The following ZNF566 variants were observed in gnomAD, a reference collection of about 807,000 sequenced individuals.
ZNF566 encodes zinc finger protein 566.
A neutral mutation model predicts 32.8 loss-of-function variants in ZNF566; 27 were observed. The ratio of observed to expected loss-of-function variants is 0.82; its 90% confidence interval spans 0.61 to 1.14. The LOEUF is 1.14. ZNF566 is among the 50% of genes most tolerant of loss of function. The pLI is 0.00. For synonymous variants in ZNF566, 154 were observed against 159.5 expected (o/e 0.97, Z 0.26); for missense variants, 402 against 490.4 (o/e 0.82, Z 1.70).
rs1028845341 is a variant in ZNF566 at position 36,465,277 on chromosome 19, C to T, written c.232+7634G>A. Among the ~76,000 whole-genome samples the T allele has an allele frequency of 5.3e-5, 8 of 152,220 alleles. No homozygotes were observed. The South Asian group carries it at 6.2e-4, about 12-fold the overall frequency. On this transcript the variant is annotated intron_variant, in intron 4 of 4. Transcript: ENST00000452939. ...GATGGTGGAACAAAAGTACTTCCAACGTAAACTAATACAACACTTGGAAAA... is the reference window on the plus strand; with the variant it reads ...GATGGTGGAACAAAAGTACTTCCAATGTAAACTAATACAACACTTGGAAAA...
intron 2 of ZNF566, 164 bp downstream of exon 2, chr19:36,476,385 G>T: frequency 2.0e-6 from 1 of 496,498 alleles, no homozygotes. Flanking sequence ...TGGCCTGTTA[G>T]AGATCCTTTC....
At chr19:36,467,646 C>T (rs1280810109) in intron 4 of ZNF566, among the ~76,000 whole-genome samples, 1 of 149,412 alleles carries the variant, frequency 6.7e-6, no homozygotes, top group Non-Finnish European at 1.5e-5. Context: ...TAAAAATTAG[C>T]TGGGCTTGGT....
chr19:36,467,005 C>T (rs113969922), intron 4 of ZNF566, among the ~76,000 whole-genome samples: 5 of 150,144 alleles, frequency 3.3e-5, no homozygotes, highest in Admixed American at 2.7e-4. Context: ...GGAGGTGGAG[C>T]TTGCAGTGAG....
At chr19:36,458,770 G>A (rs2145652991) in intron 4 of ZNF566, among the ~76,000 whole-genome samples, 1 of 152,324 alleles carries the variant, frequency 6.6e-6, no homozygotes, top group South Asian at 2.1e-4. Context: ...TGATGTGATA[G>A]ATACATTAAT....
intron 4 of ZNF566, among the ~76,000 whole-genome samples, chr19:36,467,210 C>T (rs10411104): frequency 0.097 from 14,226 of 147,350 alleles, 839 homozygotes; most frequent in African/African-American, 0.15. Context: ...CCGAGACAGG[C>T]GGATCACGAG....
In ZNF566 at chr19:36,447,774, T is replaced by G. The variant is rs2033033283; in HGVS notation, c.*1203A>C. 1.3e-5 allele frequency: 2 copies of G among 152,186 alleles called. No individual in the cohort carries two copies. The highest frequency in any genetic ancestry group is 4.1e-4 in the South Asian group (2 of 4,826). 9.4% of individuals were successfully genotyped at this position (152,186 alleles called of 1,614,324 possible). A position where few individuals can be genotyped will look rare whatever the true frequency, so the allele number is the denominator to read the frequency against. On this transcript the variant is annotated 3_prime_UTR_variant, in exon 5 of 5. Transcript: ENST00000452939. ...TACTTTCCCCCCCAACACCTAGGAT[T>G]ATTTCATGTTCAATAGTAAGTACAT...
intron 4 of ZNF566, among the ~76,000 whole-genome samples, chr19:36,463,971 C>A (rs2033548376): frequency 6.6e-6 from 1 of 151,838 alleles, no homozygotes; most frequent in African/African-American, 2.4e-5. Flanking sequence ...AGTGATCTGC[C>A]CACCTCGGCC....
At chr19:36,485,301 G>C (rs1691500681) in intron 1 of ZNF566, among the ~76,000 whole-genome samples, 1 of 151,172 alleles carries the variant, frequency 6.6e-6, no homozygotes, top group African/African-American at 2.4e-5. Flanking sequence ...AAATAGCCAG[G>C]AGTGGTGGTG....
chr19:36,484,683 G>A (rs538970517), intron 1 of ZNF566, among the ~76,000 whole-genome samples: 6 of 139,720 alleles, frequency 4.3e-5, no homozygotes, highest in South Asian at 4.8e-4. Context: ...TCCACCTCCC[G>A]GGTTAACGCC....
intron 4 of ZNF566, among the ~76,000 whole-genome samples, chr19:36,468,742 G>A (rs1412969383): frequency 1.2e-4 from 18 of 151,178 alleles, no homozygotes; most frequent in Admixed American, 1.3e-4. Flanking sequence ...GCAAAACCCC[G>A]TCTCTACAAA....
intron 4 of ZNF566, among the ~76,000 whole-genome samples, chr19:36,471,357 C>T (rs1440748345): frequency 6.6e-6 from 1 of 152,080 alleles, no homozygotes; most frequent in East Asian, 1.9e-4. Flanking sequence ...TTTCCCACTC[C>T]TGCCTCTTTG....
chr19:36,482,851 A>G (rs1875934951), intron 1 of ZNF566, among the ~76,000 whole-genome samples: 1 of 152,186 alleles, frequency 6.6e-6, no homozygotes, highest in African/African-American at 2.4e-5. Context: ...TTTGTTCTGC[A>G]CTATTTTACC....
intron 4 of ZNF566, among the ~76,000 whole-genome samples, chr19:36,465,796 A>T (rs1296368712): frequency 1.3e-5 from 2 of 151,942 alleles, no homozygotes; most frequent in African/African-American, 4.8e-5. Flanking sequence ...TTAAGGGAAA[A>T]ATTTAATGGA....
intron 4 of ZNF566, among the ~76,000 whole-genome samples, chr19:36,470,201 T>C (rs536403120): frequency 6.6e-6 from 1 of 152,248 alleles, no homozygotes; most frequent in East Asian, 1.9e-4. Context: ...TCTCCAAATT[T>C]TCCTCCAATG....
chr19:36,454,827 C>A (rs2033259123), intron 4 of ZNF566, among the ~76,000 whole-genome samples: 1 of 152,114 alleles, frequency 6.6e-6, no homozygotes, highest in Non-Finnish European at 1.5e-5. Flanking sequence ...AACTCCAGTT[C>A]TCCTCAAACT....
At chr19:36,479,919 ACTCTTGGG>A (rs1426268684) in intron 1 of ZNF566, among the ~76,000 whole-genome samples, 1 of 151,564 alleles carries the variant, frequency 6.6e-6, no homozygotes, top group Non-Finnish European at 1.5e-5. Flanking sequence ...CTTGTCTTAA[ACTCTTGGG>A]CTCAAGCAAT....
chr19:36,482,016 T>G (rs1302979507), intron 1 of ZNF566, among the ~76,000 whole-genome samples: 1 of 152,232 alleles, frequency 6.6e-6, no homozygotes, highest in Non-Finnish European at 1.5e-5. Flanking sequence ...AACTCTTCAT[T>G]TGTGCAAAAG....
At chr19:36,456,824 G>A (rs1026177523) in intron 4 of ZNF566, among the ~76,000 whole-genome samples, 1 of 152,102 alleles carries the variant, frequency 6.6e-6, no homozygotes, top group Non-Finnish European at 1.5e-5. Flanking sequence ...ACTACCCAAA[G>A]CAATCTACAC....
chr19:36,459,660 G>A (rs1283580075), intron 4 of ZNF566, among the ~76,000 whole-genome samples: 9 of 151,190 alleles, frequency 6.0e-5, no homozygotes, highest in African/African-American at 1.5e-4. Context: ...ACAGGCATGC[G>A]CCACCACGCC....
Sources: gnomAD v4.1 joint callset for allele counts (sites outside exome capture counted in the v4.1 genomes callset) on GRCh38, gnomAD v4.1.1 for gene constraint, MANE v1.5 for transcripts, NCBI Gene and HGNC (gene_info 2026-07-23, HGNC 2026-07-21) for gene names.